MKX: variants seen among roughly 807,000 people sequenced by gnomAD.
MKX encodes the protein homeobox protein Mohawk.
A neutral mutation model predicts 36.0 loss-of-function variants in MKX; 13 were observed. The observed-to-expected ratio is 0.36, with a 90% CI of 0.24 to 0.57. The LOEUF (loss-of-function observed/expected upper bound fraction) is 0.57, where lower values mean the gene tolerates loss of function less well. Ranked by LOEUF, MKX falls within the 20% of genes least tolerant of loss-of-function variation. MKX has a pLI of 0.79. For synonymous variants in MKX, 176 were observed against 178.3 expected, an observed-to-expected ratio of 0.99 and a Z score of 0.10; for missense variants, 458 against 456.4, an observed-to-expected ratio of 1.00 and a Z score of -0.03.
At chr10:27,733,931 T>A (rs1355443757) in intron 5 of MKX, among the ~76,000 whole-genome samples, 1 of 152,228 alleles carries the variant, frequency 6.6e-6, no homozygotes, top group East Asian at 1.9e-4. Flanking sequence ...CCTATACCTT[T>A]CTTTCACAAA....
At chr10:27,706,759 T>A (rs1390033019) in intron 5 of MKX, among the ~76,000 whole-genome samples, 1 of 152,188 alleles carries the variant, frequency 6.6e-6, no homozygotes, top group African/African-American at 2.4e-5. Flanking sequence ...GTTTCTTTTT[T>A]TGTTGTTGAG....
chr10:27,704,434 T>A (rs564720481), intron 5 of MKX, among the ~76,000 whole-genome samples: 1 of 151,988 alleles, frequency 6.6e-6, no homozygotes, highest in East Asian at 1.9e-4. Context: ...ATTAAACATA[T>A]CCTAAAACCT....
At chr10:27,684,985 A>C (rs953987914) in intron 5 of MKX, among the ~76,000 whole-genome samples, 1 of 152,200 alleles carries the variant, frequency 6.6e-6, no homozygotes, top group African/African-American at 2.4e-5. Context: ...CTATGCCAGA[A>C]ACGATACAAA....
intron 5 of MKX, among the ~76,000 whole-genome samples, chr10:27,718,382 T>A (rs1175376007): frequency 6.6e-6 from 1 of 152,124 alleles, no homozygotes; most frequent in African/African-American, 2.4e-5. Flanking sequence ...GATGTATAAT[T>A]TTAGTCAATT....
chr10:27,732,116 T>C (rs1834643974), intron 5 of MKX, among the ~76,000 whole-genome samples: 1 of 152,196 alleles, frequency 6.6e-6, no homozygotes, highest in Non-Finnish European at 1.5e-5. Context: ...GTATCAGTAT[T>C]ATAAAGAAAG....
chr10:27,734,447 C>G lies in MKX; in HGVS notation c.838+9G>C. On this transcript the variant is annotated intron_variant, in intron 5 of 6. Coordinates refer to ENST00000419761, the MANE Select transcript of MKX (RefSeq NM_173576.3). ...ATCGCAGGAATTACTACAGAAAGCA[C>G]GGACTTACCTGTGCGATAGACAAAG... 6.2e-7 allele frequency: 1 copy of G among 1,610,022 alleles called. No individual in the cohort carries two copies. The highest frequency in any genetic ancestry group is 8.5e-7 in the Non-Finnish European group (1 of 1,177,798).
At chr10:27,709,273 A>T (rs1244044463) in intron 5 of MKX, among the ~76,000 whole-genome samples, 1 of 152,244 alleles carries the variant, frequency 6.6e-6, no homozygotes, top group Admixed American at 6.5e-5. Flanking sequence ...AACTATTTCC[A>T]TAGCATTTAC....
intron 5 of MKX, among the ~76,000 whole-genome samples, chr10:27,731,334 G>A (rs1276943965): frequency 3.9e-5 from 6 of 152,106 alleles, no homozygotes; most frequent in Non-Finnish European, 7.4e-5. Flanking sequence ...AGATGGAATT[G>A]AAAGAATTCA....
chr10:27,716,436 C>CAAAAAAAAAAAAAAAAAAAAAAACA (rs56913373), intron 5 of MKX, among the ~76,000 whole-genome samples: 1 of 127,676 alleles, frequency 7.8e-6, no homozygotes. Context: ...AAAAAAAAAG[C>CAAAAAAAAAAAAAAAAAAAAAAACA]AAAAAAAAAA....
intron 3 of MKX, among the ~76,000 whole-genome samples, chr10:27,739,020 A>G (rs1834835929): frequency 6.6e-6 from 1 of 152,116 alleles, no homozygotes; most frequent in Admixed American, 6.5e-5. Flanking sequence ...AACAGAGGAG[A>G]CAGAATCTAG....
intron 5 of MKX, among the ~76,000 whole-genome samples, chr10:27,675,777 T>C (rs951026623): frequency 2.0e-5 from 3 of 152,212 alleles, no homozygotes; most frequent in African/African-American, 7.2e-5. Flanking sequence ...AAGGTAGCTC[T>C]CATAGATACA....
intron 5 of MKX, among the ~76,000 whole-genome samples, chr10:27,714,367 G>A (rs566714919): frequency 6.6e-6 from 1 of 152,338 alleles, no homozygotes; most frequent in South Asian, 2.1e-4. Context: ...TAGATTAAAA[G>A]TGAAAGTTGT....
At chr10:27,706,309 T>C (rs1836754785) in intron 5 of MKX, among the ~76,000 whole-genome samples, 1 of 152,166 alleles carries the variant, frequency 6.6e-6, no homozygotes, top group South Asian at 2.1e-4. Context: ...TGCTTCCACA[T>C]TTTGATTGTT....
intron 5 of MKX, among the ~76,000 whole-genome samples, chr10:27,711,495 C>A (rs376237504): frequency 3.0e-5 from 1 of 32,864 alleles, no homozygotes; most frequent in African/African-American, 1.0e-4. Context: ...CTCTCTCTCT[C>A]TTCTTTCCTT....
At chr10:27,676,716 G>A (rs538078009) in intron 5 of MKX, among the ~76,000 whole-genome samples, 1 of 152,166 alleles carries the variant, frequency 6.6e-6, no homozygotes, top group Non-Finnish European at 1.5e-5. Flanking sequence ...TGGGCAAATA[G>A]TTCCCTCTGC....
chr10:27,728,616 C>T (rs1348917185), intron 5 of MKX, among the ~76,000 whole-genome samples: 2 of 152,188 alleles, frequency 1.3e-5, no homozygotes, highest in Non-Finnish European at 2.9e-5. Context: ...GTCCCAGAAG[C>T]TTGTTACATT....
chr10:27,722,493 TA>T (rs745714069), intron 5 of MKX, among the ~76,000 whole-genome samples: 21 of 152,248 alleles, frequency 1.4e-4, no homozygotes, highest in Non-Finnish European at 2.9e-4. Context: ...GTTTTACAGC[TA>T]AAGGAACGAA....
intron 5 of MKX, among the ~76,000 whole-genome samples, chr10:27,730,301 TA>T (rs964653135): frequency 6.4e-4 from 97 of 152,314 alleles, no homozygotes; most frequent in African/African-American, 2.2e-3. Context: ...GTAAAATCAA[TA>T]AAAATATGTT....
chr10:27,684,231 T>C (rs2815555), intron 5 of MKX, among the ~76,000 whole-genome samples: 137,942 of 152,054 alleles, frequency 0.91, 62,945 homozygotes, highest in East Asian at 0.98. Context: ...GGGAGGATCA[T>C]TCAAACCTAG....
Sources: gnomAD v4.1 joint callset for allele counts (sites outside exome capture counted in the v4.1 genomes callset) on GRCh38, gnomAD v4.1.1 for gene constraint, MANE v1.5 for transcripts, NCBI Gene and HGNC (gene_info 2026-07-23, HGNC 2026-07-21) for gene names.